ABCB4: variants seen among roughly 807,000 people sequenced by gnomAD.
ABCB4 encodes the protein ATP binding cassette subfamily B member 4.
Under a neutral mutation model 145.7 loss-of-function variants are expected in ABCB4, and 76 were observed. The observed-to-expected ratio is 0.52, with a 90% confidence interval of 0.43 to 0.63. The LOEUF is 0.63. Among genes scored for constraint, ABCB4 ranks in the 30% least tolerant of loss-of-function variants. The pLI is 0.00. For synonymous variants in ABCB4, 517 were observed against 566.8 expected (o/e 0.91, Z 1.25); for missense variants, 1,234 against 1,553.1 (o/e 0.79, Z 3.45).
chr7:87,449,797 T>G (rs1811586636), intron 8 of ABCB4, among the ~76,000 whole-genome samples, 171 bp downstream of exon 8: 1 of 152,184 alleles, frequency 6.6e-6, no homozygotes, highest in South Asian at 2.1e-4. Context: ...TGATTAAGAA[T>G]CTTGCTTTAG....
chr7:87,441,564 A>G (rs1810993411), intron 12 of ABCB4, among the ~76,000 whole-genome samples: 1 of 151,390 alleles, frequency 6.6e-6, no homozygotes. Flanking sequence ...TTTTGTTCCA[A>G]TTCATTATTT....
rs12537138 is a variant in ABCB4 at position 87,471,533 on chromosome 7, G to T, written c.135+1088C>A. On this transcript the variant is annotated intron_variant, in intron 3 of 27. Transcript: ENST00000649586. Reference sequence around the variant, plus strand: ...AGAGGAGAGAAGACAATGAATAGGGGCTTTTGGTTACATGAGAAGTATGCA... The same window carrying T: ...AGAGGAGAGAAGACAATGAATAGGGTCTTTTGGTTACATGAGAAGTATGCA... Among the ~76,000 whole-genome samples the T allele has an allele frequency of 1.2e-3, 181 of 152,214 alleles. 4 individuals are homozygous for T. The highest frequency in any genetic ancestry group is 8.2e-3 in the Admixed American group (126 of 15,292).
intron 7 of ABCB4, among the ~76,000 whole-genome samples, chr7:87,450,468 A>ATTT (rs373293934): frequency 0.03 from 3,896 of 131,158 alleles, 246 homozygotes; most frequent in African/African-American, 0.11. Context: ...TTGTGTCACA[A>ATTT]TTTTTTTTTT....
At chr7:87,410,760 C>T (rs1226072405) in intron 23 of ABCB4, among the ~76,000 whole-genome samples, 3 of 152,110 alleles carry the variant, frequency 2.0e-5, no homozygotes, top group Non-Finnish European at 4.4e-5. Flanking sequence ...TTTTCTTGTC[C>T]TCTGGTTTCA....
rs1307638480 is a variant in ABCB4 at position 87,417,504 on chromosome 7, G to T, written c.2490C>A (p.Thr830=). The T allele has an allele frequency of 6.2e-7, 1 of 1,614,042 alleles. No individual in the cohort carries two copies. Among genetic ancestry groups the T allele is most frequent in the African/African-American group, 1.3e-5 (1 of 75,050 alleles). Residue 830 remains threonine, a synonymous_variant, in exon 21 of 28, where the codon ACC becomes ACA. Coordinates refer to ENST00000649586, the MANE Select transcript of ABCB4 (RefSeq NM_000443.4). ...DAAQVQGATG[T]RLALIAQNIA... is the part of the protein sequence containing the mutation. ...TATTCTGTGCAATTAAAGCCAACCT[G>T]GTTCCTGTGGCCTGGGAGAGAAAAA...
At chr7:87,447,326 A>C in intron 8 of ABCB4, 121 bp from the exon 9 acceptor site, 1 of 907,156 alleles carries the variant, frequency 1.1e-6, no homozygotes. Context: ...TAATGAACCC[A>C]TGGTGAGACC....
intron 3 of ABCB4, among the ~76,000 whole-genome samples, chr7:87,468,424 G>A (rs1178433837): frequency 1.3e-5 from 2 of 152,134 alleles, no homozygotes; most frequent in Non-Finnish European, 2.9e-5. Context: ...TCCAGGACCA[G>A]ACAGAATCAC....
chr7:87,439,964 T>C (rs1306215588), intron 13 of ABCB4, 127 bp from the exon 14 acceptor site: 6 of 1,351,370 alleles, frequency 4.4e-6, no homozygotes, highest in Non-Finnish European at 6.2e-6. Flanking sequence ...TAAAGTATGA[T>C]AAGATAAATG....
intron 3 of ABCB4, among the ~76,000 whole-genome samples, chr7:87,465,579 T>G (rs986596840): frequency 6.6e-6 from 1 of 152,164 alleles, no homozygotes; most frequent in African/African-American, 2.4e-5. Context: ...GCATTTGAGA[T>G]CTGAGAATGG....
chr7:87,384,026 T>C, the ABCB4 span, among the ~76,000 whole-genome samples: 1 of 152,154 alleles, frequency 6.6e-6, no homozygotes, highest in South Asian at 2.1e-4. Context: ...TGTACTAATT[T>C]ACATTTCCAC....
Position 87,409,242 on chromosome 7 carries a change from CA to C in ABCB4, c.3074del (p.Leu1025ArgfsTer10). The C allele has an allele frequency of 6.2e-7, 1 of 1,614,066 alleles. No individual in the cohort carries two copies. Among genetic ancestry groups the C allele is most frequent in the Non-Finnish European group, 8.5e-7 (1 of 1,179,974 alleles). On this transcript the variant is annotated frameshift_variant, in exon 24 of 28. Transcript: ENST00000649586. LOFTEE classifies it high-confidence loss of function. ...PLIDSYSEEG[L>X]KPDKFEGNIT... ...CAGGCATCAGAGAACTTACAGGCTT[CA>C]GCCCCTCTTCACTGTAGCTGTCAAT...
At chr7:87,443,474 C>T in intron 11 of ABCB4, 30 bp from the exon 12 acceptor site, 1 of 1,613,756 alleles carries the variant, frequency 6.2e-7, no homozygotes, top group Non-Finnish European at 8.5e-7. Flanking sequence ...AAAGAACACA[C>T]TTCACAACAA....
Position 87,406,584 on chromosome 7 carries a change from G to GCAT in ABCB4, c.3280-93_3280-91dup, listed in dbSNP as rs45516496. On this transcript the variant is annotated intron_variant, in intron 25 of 27. Coordinates refer to ENST00000649586, the MANE Select transcript of ABCB4 (RefSeq NM_000443.4). ...TAGATTGTCCATTTGGAGGATCGTT[G>GCAT]CATGAGGGTGTCAGCAGCTTCAAAA... 5,423 of 1,391,242 alleles carry GCAT rather than the reference G, an allele frequency of 3.9e-3. 186 individuals are homozygous for GCAT. In the African/African-American group the frequency reaches 0.068, roughly 17 times the overall value. 86.2% of individuals were successfully genotyped at this position (1,391,242 alleles called of 1,614,324 possible). A position where few individuals can be genotyped will look rare whatever the true frequency, so the allele number is the denominator to read the frequency against.
At chr7:87,391,686 C>G in the ABCB4 span, 1 of 1,609,858 alleles carries the variant, frequency 6.2e-7, no homozygotes, top group Non-Finnish European at 8.5e-7. Flanking sequence ...GAGGTGGTGC[C>G]AGTCCATGCA....
intron 3 of ABCB4, among the ~76,000 whole-genome samples, chr7:87,470,461 C>A (rs1200293900): frequency 6.6e-6 from 1 of 151,952 alleles, no homozygotes; most frequent in Non-Finnish European, 1.5e-5. Flanking sequence ...AAAATTTTTG[C>A]AATCTACTCA....
the ABCB4 span, among the ~76,000 whole-genome samples, chr7:87,381,681 G>A: frequency 6.6e-6 from 1 of 152,088 alleles, no homozygotes; most frequent in East Asian, 1.9e-4. Context: ...CCCACCAGAA[G>A]CCCTACTAGG....
intron 23 of ABCB4, among the ~76,000 whole-genome samples, 162 bp from the exon 24 acceptor site, chr7:87,409,554 A>G (rs2116380309): frequency 6.6e-6 from 1 of 152,308 alleles, no homozygotes; most frequent in South Asian, 2.1e-4. Flanking sequence ...AACAAGAGAA[A>G]TCTAGGAGAG....
intron 4 of ABCB4, among the ~76,000 whole-genome samples, chr7:87,456,066 T>C (rs1188154732): frequency 6.6e-6 from 1 of 152,208 alleles, no homozygotes; most frequent in Non-Finnish European, 1.5e-5. Context: ...TCAGTTCCTT[T>C]CTGTGTGTTC....
At chr7:87,402,409 G>A (rs771064104) in intron 27 of ABCB4, 107 bp from the exon 28 acceptor site, 6 of 1,347,348 alleles carry the variant, frequency 4.5e-6, no homozygotes, top group Non-Finnish European at 4.2e-6. Flanking sequence ...TTAATTTCTA[G>A]TATCTTAGAA....
Sources: gnomAD v4.1 joint callset for allele counts (sites outside exome capture counted in the v4.1 genomes callset) on GRCh38, gnomAD v4.1.1 for gene constraint, MANE v1.5 for transcripts, NCBI Gene and HGNC (gene_info 2026-07-23, HGNC 2026-07-21) for gene names.